Variants in STXBP3 observed in about 807,000 individuals in gnomAD.
STXBP3 encodes the protein syntaxin-binding protein 3.
Under a neutral mutation model 85.7 loss-of-function variants are expected in STXBP3, and 41 were observed. That is an observed-to-expected ratio of 0.48 (90% CI 0.37 to 0.62). The LOEUF (loss-of-function observed/expected upper bound fraction) is 0.62, where lower values mean the gene tolerates loss of function less well. Among genes scored for constraint, STXBP3 ranks in the 20% least tolerant of loss-of-function variants. The probability of loss-of-function intolerance (pLI) is 0.00; values close to 1 mark genes in which losing one functional copy is unlikely to be tolerated. For missense variants in STXBP3, 563 were observed against 703.1 expected, an observed-to-expected ratio of 0.80 and a Z score of 2.25; for synonymous variants, 229 against 231.7, an observed-to-expected ratio of 0.99 and a Z score of 0.10.
chr1:108,787,154 TTTG>T (rs1359708223), intron 11 of STXBP3, among the ~76,000 whole-genome samples: 1 of 152,182 alleles, frequency 6.6e-6, no homozygotes. Context: ...GATTGGCTTT[TTTG>T]TTTTTAAGAG....
chr1:108,771,566 AAT>A (rs1258142261), intron 6 of STXBP3, among the ~76,000 whole-genome samples: 1 of 28,110 alleles, frequency 3.6e-5, no homozygotes, highest in African/African-American at 1.8e-4. Context: ...ATGATATATA[AAT>A]ATATATGATA....
At position 108,777,315 on chromosome 1, in the gene STXBP3, C is replaced by G. The variant is rs74410302; in HGVS notation, c.684+892C>G. ...GGAAGGCATCCCAAGAAGAAGAGGCCCTTTAGCTTGAAGAATGAAGTAACA... is the reference window on the plus strand; with the variant it reads ...GGAAGGCATCCCAAGAAGAAGAGGCGCTTTAGCTTGAAGAATGAAGTAACA... On this transcript the variant is annotated intron_variant, in intron 8 of 18. Coordinates refer to ENST00000370008, the MANE Select transcript of STXBP3 (RefSeq NM_007269.4). 7.5e-3 allele frequency among the ~76,000 whole-genome samples: 1,138 copies of G among 152,052 alleles called. 13 individuals are homozygous for G. Among genetic ancestry groups the G allele is most frequent in the African/African-American group, 0.026 (1,089 of 41,504 alleles).
intron 6 of STXBP3, 148 bp downstream of exon 6, chr1:108,760,233 A>T: frequency 2.0e-6 from 1 of 510,052 alleles, no homozygotes; most frequent in Non-Finnish European, 3.4e-6. Flanking sequence ...CCCATGATGA[A>T]GTCAGACGCG....
intron 13 of STXBP3, 52 bp downstream of exon 13, chr1:108,794,959 C>T (rs753275296): frequency 1.3e-6 from 2 of 1,486,792 alleles, no homozygotes; most frequent in Admixed American, 2.0e-5. Flanking sequence ...CAAGGATAAA[C>T]TTTGTAAGTT....
chr1:108,771,199 G>A (rs999382326), intron 6 of STXBP3, among the ~76,000 whole-genome samples: 1 of 150,922 alleles, frequency 6.6e-6, no homozygotes, highest in African/African-American at 2.4e-5. Context: ...GAGAGAGGTA[G>A]ACTAAAGCAG....
chr1:108,771,220 C>T (rs12126262), intron 6 of STXBP3, among the ~76,000 whole-genome samples: 105,429 of 149,288 alleles, frequency 0.71, 38,168 homozygotes, highest in Non-Finnish European at 0.78. Flanking sequence ...GAGAGGAGAG[C>T]GAGAAAAGAA....
Position 108,793,592 on chromosome 1 carries a change from G to C in STXBP3, c.974G>C (p.Ser325Thr). ...TTTGATTTTTCCTAGACATCACTTAGTGCTCTTACCCAGCTGATGAAAAAG... is the reference window on the plus strand; with the variant it reads ...TTTGATTTTTCCTAGACATCACTTACTGCTCTTACCCAGCTGATGAAAAAG... The part of the protein sequence containing the change: ...KKATEGKTSL[S>T]ALTQLMKKMP... The change falls in exon 12 of 19, where the codon AGT becomes ACT. Residue 325 changes from serine to threonine, a missense_variant. Coordinates refer to ENST00000370008, the MANE Select transcript of STXBP3 (RefSeq NM_007269.4). The C allele has an allele frequency of 6.2e-7, 1 of 1,611,786 alleles. No homozygotes were observed. Among genetic ancestry groups the C allele is most frequent in the South Asian group, 1.1e-5 (1 of 90,888 alleles).
chr1:108,793,668 G>A, intron 12 of STXBP3, 21 bp downstream of exon 12: 1 of 1,585,766 alleles, frequency 6.3e-7, no homozygotes, highest in Non-Finnish European at 8.6e-7. Flanking sequence ...TTGTATATGA[G>A]ATACCTGATT....
chr1:108,804,532 A>T (rs1330404266), intron 17 of STXBP3, among the ~76,000 whole-genome samples: 5 of 152,104 alleles, frequency 3.3e-5, no homozygotes, highest in Admixed American at 1.3e-4. Context: ...ATTTCTGCAG[A>T]CTCATAGTTA....
chr1:108,772,966 C>A, intron 7 of STXBP3, 147 bp downstream of exon 7: 1 of 772,528 alleles, frequency 1.3e-6, no homozygotes, highest in Non-Finnish European at 1.8e-6. Context: ...AGATTTAAAG[C>A]TTGTGGTTTA....
chr1:108,772,667 G>A lies in STXBP3; in HGVS notation c.441G>A (p.Val147=). 1 of 1,473,400 alleles carries A rather than the reference G, an allele frequency of 6.8e-7. No homozygotes were observed. The highest frequency in any genetic ancestry group is 9.1e-7 in the Non-Finnish European group (1 of 1,103,314). The allele number at this position is 1,473,400 out of a possible 1,614,324, so 91.3% of individuals were successfully genotyped here. Residue 147 remains valine (V), a splice_region_variant and synonymous_variant, in exon 7 of 19, where the codon GTG becomes GTA. Coordinates refer to ENST00000370008, the MANE Select transcript of STXBP3 (RefSeq NM_007269.4). The part of the protein sequence containing the change: ...NISFIPHESQ[V]YTLDVPDAFY... ...TGAGTTTTTTTGTCTTAACTTAGGT[G>A]TATACTCTTGATGTACCAGATGCAT...
chr1:108,797,414 C>CT (rs1322961126), intron 15 of STXBP3, among the ~76,000 whole-genome samples: 2,363 of 135,116 alleles, frequency 0.017, 38 homozygotes, highest in African/African-American at 0.043. Flanking sequence ...TCTTTCCCAT[C>CT]TTTTTTTTTT....
chr1:108,798,083 G>T, intron 15 of STXBP3, 62 bp from the exon 16 acceptor site: 1 of 1,289,492 alleles, frequency 7.8e-7, no homozygotes, highest in Non-Finnish European at 1.1e-6. Context: ...GTTAGGAAAC[G>T]TAAGAGTATT....
At chr1:108,774,561 T>G (rs995583424) in intron 7 of STXBP3, among the ~76,000 whole-genome samples, 14 of 152,006 alleles carry the variant, frequency 9.2e-5, no homozygotes, top group African/African-American at 3.4e-4. Context: ...TTAAGTTATC[T>G]CCTTAATTCA....
intron 6 of STXBP3, among the ~76,000 whole-genome samples, chr1:108,762,225 A>G (rs1333408448): frequency 6.6e-6 from 1 of 152,222 alleles, no homozygotes; most frequent in South Asian, 2.1e-4. Context: ...TACTATAAAG[A>G]GATTAAAAAG....
chr1:108,792,616 TCTA>T (rs1663000475), intron 11 of STXBP3, among the ~76,000 whole-genome samples: 1 of 152,174 alleles, frequency 6.6e-6, no homozygotes, highest in Non-Finnish European at 1.5e-5. Context: ...TTATCTTGGG[TCTA>T]CTTTTATTGA....
At chr1:108,757,518 G>A (rs1662046927) in intron 4 of STXBP3, among the ~76,000 whole-genome samples, 1 of 151,584 alleles carries the variant, frequency 6.6e-6, no homozygotes. Context: ...AAAAATTCAT[G>A]ATTGGAAAAA....
chr1:108,809,405 G>A lies in STXBP3; in HGVS notation c.*528G>A, dbSNP rs555435328. On this transcript the variant is annotated 3_prime_UTR_variant, in exon 19 of 19. Coordinates refer to ENST00000370008, the MANE Select transcript of STXBP3 (RefSeq NM_007269.4). ...ATGGAGTGATTTCACAGTGTGTACT[G>A]TTTTGCCACATACTTCTAAAGAACA... 1 of 152,530 alleles carries A rather than the reference G, an allele frequency of 6.6e-6. No individual in the cohort carries two copies. The highest frequency in any genetic ancestry group is 2.1e-4 in the South Asian group (1 of 4,816). 9.4% of individuals were successfully genotyped at this position (152,530 alleles called of 1,614,324 possible).
At chr1:108,794,306 A>G (rs1266949068) in intron 12 of STXBP3, among the ~76,000 whole-genome samples, 1 of 152,176 alleles carries the variant, frequency 6.6e-6, no homozygotes, top group Admixed American at 6.5e-5. Flanking sequence ...CTGTAAGGAA[A>G]TACCCAGGAC....
Sources: gnomAD v4.1 joint callset for allele counts (sites outside exome capture counted in the v4.1 genomes callset) on GRCh38, gnomAD v4.1.1 for gene constraint, MANE v1.5 for transcripts, NCBI Gene and HGNC (gene_info 2026-07-23, HGNC 2026-07-21) for gene names.